DHPS: variants seen among roughly 807,000 people sequenced by gnomAD.
DHPS encodes the protein deoxyhypusine synthase.
In DHPS, 24 loss-of-function variants were observed where a neutral mutation model predicts 38.7. The observed-to-expected ratio is 0.62, with a 90% CI of 0.45 to 0.87. The LOEUF is 0.87. DHPS is among the 40% of genes least tolerant of loss of function. The pLI, the probability that DHPS is intolerant of heterozygous loss-of-function variation, is 0.00. For synonymous variants in DHPS, 250 were observed against 204.4 expected, an observed-to-expected ratio of 1.22 and a Z score of -1.90; for missense variants, 510 against 497.6, an observed-to-expected ratio of 1.02 and a Z score of -0.24.
intron 7 of DHPS, 46 bp downstream of exon 7, chr19:12,677,062 C>T: frequency 6.4e-7 from 1 of 1,567,904 alleles, no homozygotes; most frequent in Non-Finnish European, 8.8e-7. Flanking sequence ...ATAGGCCCAC[C>T]ACACAGCATG....
downstream of DHPS, chr19:12,672,924 G>A (rs2024465054): frequency 6.3e-7 from 1 of 1,599,116 alleles, no homozygotes. Context: ...AGTGAGTGTG[G>A]CTGGGGATGT....
Position 12,675,909 on chromosome 19 carries a change from A to G in DHPS, c.1039T>C (p.Phe347Leu). ...VKVYADASLVFPLLVAETFAQ... is the reference protein window; with the variant it reads ...VKVYADASLVLPLLVAETFAQ... ...AAGGTTTCAGCCACAAGCAGGGGGA[A>G]GACCAGGGAGGCGTCAGCATAGACC... Residue 347 changes from phenylalanine to leucine, a missense_variant, in exon 9 of 9, where the codon TTC (phenylalanine) becomes CTC (leucine). By Grantham distance (22) the Phe-to-Leu change is conservative. Coordinates refer to ENST00000210060, the MANE Select transcript of DHPS (RefSeq NM_001930.4). 1 of 1,609,272 alleles carries G rather than the reference A, an allele frequency of 6.2e-7. No individual in the cohort carries two copies. The highest frequency in any genetic ancestry group is 8.5e-7 in the Non-Finnish European group (1 of 1,177,604).
chr19:12,677,679 A>G (rs1018947019), intron 5 of DHPS, among the ~76,000 whole-genome samples: 2 of 151,972 alleles, frequency 1.3e-5, no homozygotes, highest in Non-Finnish European at 2.9e-5. Context: ...CTCGTTGCCC[A>G]GGCTGGAGTG....
At chr19:12,673,935 A>G (rs541539521), downstream of DHPS, among the ~76,000 whole-genome samples, 1 of 152,180 alleles carries the variant, frequency 6.6e-6, no homozygotes, top group Non-Finnish European at 1.5e-5. Context: ...CCTGACCTCA[A>G]GTGATTCACC....
In DHPS at chr19:12,675,752, G is replaced by T; in HGVS notation, c.*86C>A. ...TCAGATACCATCTTATTCTAGAGAC[G>T]TAGCTGACCAAAAAGTAGGGGAGGG... On this transcript the variant is annotated 3_prime_UTR_variant, in exon 9 of 9. Transcript: ENST00000210060. 1.9e-6 allele frequency: 3 copies of T among 1,568,058 alleles called. No homozygotes were observed. The highest frequency in any genetic ancestry group is 2.6e-6 in the Non-Finnish European group (3 of 1,156,704).
At chr19:12,677,506 C>T in intron 5 of DHPS, 110 bp from the exon 6 acceptor site, 1 of 860,414 alleles carries the variant, frequency 1.2e-6, no homozygotes, top group Non-Finnish European at 1.8e-6. Flanking sequence ...GGACTGTTTC[C>T]TCAATTATAA....
In DHPS at chr19:12,681,729, G is replaced by A. The variant is rs2024824350; in HGVS notation, c.38C>T (p.Ala13Val). The A allele has an allele frequency of 1.2e-6, 2 of 1,612,344 alleles. No homozygotes were observed. Among genetic ancestry groups the A allele is most frequent in the Non-Finnish European group, 1.7e-6 (2 of 1,179,940 alleles). Residue 13 changes from alanine to valine, a missense_variant, in exon 1 of 9, where the codon GCG becomes GTG. By Grantham distance (64) the Ala-to-Val change is moderately conservative. Coordinates refer to ENST00000210060, the MANE Select transcript of DHPS (RefSeq NM_001930.4). Reference protein sequence around the residue: ...GSLEREAPAGALAAVLKHSST... With the variant: ...GSLEREAPAGVLAAVLKHSST... ...GCTGTGCTTTAGCACGGCGGCCAGC[G>A]CCCCCGCTGGCGCCTCCCGTTCCAG...
chr19:12,678,365 G>T (rs1015104282), intron 5 of DHPS, among the ~76,000 whole-genome samples: 16 of 152,254 alleles, frequency 1.1e-4, no homozygotes, highest in South Asian at 4.1e-4. Flanking sequence ...TACTCAGCAG[G>T]CTGAGGCAGG....
downstream of DHPS, chr19:12,675,530 T>C (rs1201261567): frequency 2.5e-6 from 4 of 1,604,654 alleles, no homozygotes; most frequent in Non-Finnish European, 3.4e-6. Context: ...CAGGGTGCGC[T>C]GGCTCTGGCC....
At chr19:12,680,014 C>T (rs767203524) in intron 2 of DHPS, 92 bp from the exon 3 acceptor site, 2 of 1,560,160 alleles carry the variant, frequency 1.3e-6, no homozygotes, top group South Asian at 2.4e-5. Flanking sequence ...TCCAGTGACT[C>T]TTATGAGGGA....
At chr19:12,679,272 T>C (rs1164282370) in intron 5 of DHPS, among the ~76,000 whole-genome samples, 185 bp downstream of exon 5, 1 of 151,304 alleles carries the variant, frequency 6.6e-6, no homozygotes, top group African/African-American at 2.4e-5. Context: ...CACTCCAGCC[T>C]AGGTGACAGA....
At chr19:12,681,265 T>C (rs2024800466) in intron 1 of DHPS, 49 of 1,297,744 alleles carry the variant, frequency 3.8e-5, no homozygotes, top group Non-Finnish European at 4.9e-5. Context: ...TAATTTGTCT[T>C]GCCCCAGGCT....
chr19:12,681,478 G>A (rs2024810489), intron 1 of DHPS, 82 bp downstream of exon 1: 4 of 1,502,430 alleles, frequency 2.7e-6, no homozygotes, highest in South Asian at 2.3e-5. Context: ...CCCTCCACTG[G>A]AAACGCTGCC....
Position 12,675,866 on chromosome 19 carries a change from G to T in DHPS, c.1082C>A (p.Ala361Asp), listed in dbSNP as rs776176976. Residue 361 changes from alanine to aspartate, a missense_variant, in exon 9 of 9, where the codon GCC (alanine) becomes GAC (aspartate). By Grantham distance (126) the Ala-to-Asp change is moderately radical. Coordinates refer to ENST00000210060, the MANE Select transcript of DHPS (RefSeq NM_001930.4). Reference sequence around the variant, plus strand: ...GTCCTCGTTCTTCTCATGCATGAAGGCATCCATCTTCTGGGCAAAGGTTTC... The same window carrying T: ...GTCCTCGTTCTTCTCATGCATGAAGTCATCCATCTTCTGGGCAAAGGTTTC... ...VAETFAQKMD[A>D]FMHEKNED The T allele has an allele frequency of 3.0e-5, 48 of 1,608,780 alleles. No individual in the cohort carries two copies. Among genetic ancestry groups the T allele is most frequent in the Non-Finnish European group, 4.0e-5 (47 of 1,177,256 alleles).
rs763684301 is a variant in DHPS at position 12,680,025 on chromosome 19, G to A, written c.373-103C>T. The A allele has an allele frequency of 9.0e-6, 14 of 1,554,204 alleles. No homozygotes were observed. In the South Asian group the frequency reaches 1.4e-4, roughly 16 times the overall value. The stretch of plus-strand genomic sequence containing the variant: ...CTTGTCCAGTGACTCTTATGAGGGA[G>A]CTCTGCTACAAAACAAAACTTGATT... On this transcript the variant is annotated intron_variant, in intron 2 of 8. Coordinates refer to ENST00000210060, the MANE Select transcript of DHPS (RefSeq NM_001930.4).
intron 5 of DHPS, among the ~76,000 whole-genome samples, chr19:12,678,362 C>G (rs1449562972): frequency 6.6e-6 from 1 of 151,778 alleles, no homozygotes; most frequent in Non-Finnish European, 1.5e-5. Context: ...AGCTACTCAG[C>G]AGGCTGAGGC....
intron 7 of DHPS, chr19:12,676,778 G>C (rs1377759649): frequency 2.6e-6 from 1 of 381,690 alleles, no homozygotes. Flanking sequence ...TAGTACAGCA[G>C]CACAAACTCC....
In DHPS at chr19:12,680,296, C is replaced by T. The variant is rs748914167; in HGVS notation, c.237G>A (p.Gln79=). Residue 79 remains glutamine, a synonymous_variant, in exon 2 of 9, where the codon CAG becomes CAA. Transcript: ENST00000210060. ...TCAGGTCCGCGTGCTGGTCTTCATC[C>T]TGTGACAGTGGTTCCAGCTTCTTCT... ...MIEKKLEPLS[Q]DEDQHADLTQ... is the part of the protein sequence containing the mutation. 1.1e-5 allele frequency: 17 copies of T among 1,614,058 alleles called. No individual in the cohort carries two copies. The highest frequency in any genetic ancestry group is 1.6e-4 in the Middle Eastern group (1 of 6,084).
At chr19:12,675,645 CTA>C (rs1468388566), downstream of DHPS, 1 of 1,601,668 alleles carries the variant, frequency 6.2e-7, no homozygotes. Context: ...GAGAGGAGGC[CTA>C]TGAGGCAGAG....
Sources: allele counts gnomAD v4.1 joint callset (sites outside exome capture counted in the v4.1 genomes callset), GRCh38; gene constraint gnomAD v4.1.1; transcripts MANE v1.5; gene names NCBI Gene and HGNC (gene_info 2026-07-23, HGNC 2026-07-21).